The following DYRK4 variants were observed in gnomAD, a reference collection of about 807,000 sequenced individuals.
DYRK4 encodes dual specificity tyrosine-phosphorylation-regulated kinase 4.
Under a neutral mutation model 68.3 loss-of-function variants are expected in DYRK4, and 64 were observed. The observed-to-expected ratio is 0.94, with a 90% CI of 0.77 to 1.15. DYRK4 has a LOEUF of 1.15. Ranked by LOEUF, DYRK4 falls within the 50% of genes most tolerant of loss-of-function variation. The probability of loss-of-function intolerance (pLI) is 0.00; values close to 1 mark genes in which losing one functional copy is unlikely to be tolerated. For synonymous variants in DYRK4, 274 were observed against 289.9 expected, an observed-to-expected ratio of 0.95 and a Z score of 0.56; for missense variants, 740 against 764.7, an observed-to-expected ratio of 0.97 and a Z score of 0.38.
chr12:4,565,960 G>A (rs7957926), intron 1 of DYRK4, among the ~76,000 whole-genome samples: 21,252 of 152,176 alleles, frequency 0.14, 1,661 homozygotes, highest in African/African-American at 0.22. Flanking sequence ...CTACATCTCT[G>A]TGAAGTAAAG....
At chr12:4,606,957 T>G (rs1945159338) in intron 11 of DYRK4, among the ~76,000 whole-genome samples, 1 of 152,248 alleles carries the variant, frequency 6.6e-6, no homozygotes, top group Non-Finnish European at 1.5e-5. Context: ...TCATCTTTTC[T>G]TCTCCCTTTC....
At chr12:4,577,116 G>C (rs1263720402) in intron 2 of DYRK4, among the ~76,000 whole-genome samples, 1 of 152,146 alleles carries the variant, frequency 6.6e-6, no homozygotes, top group Non-Finnish European at 1.5e-5. Flanking sequence ...TCACCTTCTA[G>C]AAGTTTTATA....
chr12:4,595,973 A>G (rs1945012978), intron 6 of DYRK4, among the ~76,000 whole-genome samples, 176 bp from the exon 7 acceptor site: 1 of 152,202 alleles, frequency 6.6e-6, no homozygotes, highest in Admixed American at 6.5e-5. Context: ...TCCAGGCAAC[A>G]AGCTCCTCAT....
intron 8 of DYRK4, chr12:4,596,944 G>T (rs1422853332): frequency 7.1e-7 from 1 of 1,407,412 alleles, no homozygotes; most frequent in Non-Finnish European, 9.2e-7. Context: ...TACCCATGAT[G>T]TACTTCCCTG....
chr12:4,574,223 T>TC (rs1944762373), intron 2 of DYRK4, among the ~76,000 whole-genome samples: 1 of 91,172 alleles, frequency 1.1e-5, no homozygotes, highest in Non-Finnish European at 2.3e-5. Flanking sequence ...AGACTCCATC[T>TC]TAAAAAAAAA....
At chr12:4,587,732 T>C (rs1944911741) in intron 2 of DYRK4, among the ~76,000 whole-genome samples, 1 of 152,208 alleles carries the variant, frequency 6.6e-6, no homozygotes, top group Non-Finnish European at 1.5e-5. Context: ...GAGGTCAAGA[T>C]TGACTGTCCC....
intron 2 of DYRK4, among the ~76,000 whole-genome samples, chr12:4,584,078 A>G (rs373055575): frequency 6.6e-6 from 1 of 152,214 alleles, no homozygotes; most frequent in African/African-American, 2.4e-5. Context: ...GAAAGGATAC[A>G]TAAACATCAA....
chr12:4,602,544 A>T (rs61909654), intron 10 of DYRK4: 2 of 1,170,224 alleles, frequency 1.7e-6, no homozygotes, highest in Non-Finnish European at 2.5e-6. Flanking sequence ...TTATAAGTGG[A>T]GGGATATAAG....
intron 12 of DYRK4, among the ~76,000 whole-genome samples, chr12:4,607,695 A>T (rs2137403281): frequency 6.6e-6 from 1 of 152,248 alleles, no homozygotes; most frequent in African/African-American, 2.4e-5. Flanking sequence ...CCTCTCCCGG[A>T]AGTTCTCCCC....
chr12:4,595,323 G>A (rs990565667), intron 6 of DYRK4, among the ~76,000 whole-genome samples: 1 of 152,206 alleles, frequency 6.6e-6, no homozygotes, highest in East Asian at 1.9e-4. Flanking sequence ...AAACTCATGA[G>A]TGTAACACTA....
intron 2 of DYRK4, among the ~76,000 whole-genome samples, chr12:4,570,290 T>G (rs1457637935): frequency 6.6e-6 from 1 of 152,140 alleles, no homozygotes; most frequent in African/African-American, 2.4e-5. Context: ...GATTTGATTA[T>G]GTCGTATTTT....
At chr12:4,582,086 G>A (rs763002784) in intron 2 of DYRK4, among the ~76,000 whole-genome samples, 2 of 152,214 alleles carry the variant, frequency 1.3e-5, no homozygotes, top group East Asian at 1.9e-4. Flanking sequence ...AGCATTTCAG[G>A]CTAGGGATGC....
At chr12:4,575,156 A>G (rs1944774363) in intron 2 of DYRK4, among the ~76,000 whole-genome samples, 1 of 152,244 alleles carries the variant, frequency 6.6e-6, no homozygotes, top group South Asian at 2.1e-4. Flanking sequence ...TGACGTTACC[A>G]GATAATGACA....
At chr12:4,606,466 A>T (rs1945153375) in intron 11 of DYRK4, among the ~76,000 whole-genome samples, 1 of 152,256 alleles carries the variant, frequency 6.6e-6, no homozygotes, top group Non-Finnish European at 1.5e-5. Flanking sequence ...ATATTAAAAT[A>T]ACTTAGGTAA....
At chr12:4,574,602 C>T (rs1348101646) in intron 2 of DYRK4, among the ~76,000 whole-genome samples, 1 of 152,244 alleles carries the variant, frequency 6.6e-6, no homozygotes, top group African/African-American at 2.4e-5. Context: ...GTTCTAGGAA[C>T]ACTGGTTCTC....
intron 6 of DYRK4, among the ~76,000 whole-genome samples, chr12:4,593,978 C>T (rs730065): frequency 0.58 from 88,290 of 152,072 alleles, 26,903 homozygotes; most frequent in African/African-American, 0.75. Context: ...AGGTTCTTAT[C>T]CAGCAGGTCT....
rs534211116 is a variant in DYRK4, at chr12:4,597,248, G to C, written c.905+519G>C. 3.6e-5 allele frequency: 24 copies of C among 672,160 alleles called. No homozygotes were observed. In the South Asian group the frequency reaches 6.0e-4, roughly 17 times the overall value. 41.6% of individuals were successfully genotyped at this position (672,160 alleles called of 1,614,324 possible). On this transcript the variant is annotated intron_variant, in intron 8 of 14. Transcript: ENST00000543431. ...CTGGCTGAATATTGGAGCTGACAAG[G>C]CATGCTACTTTGATTATTTTTCTCT...
chr12:4,587,129 G>A (rs1944905499), intron 2 of DYRK4, among the ~76,000 whole-genome samples: 1 of 152,188 alleles, frequency 6.6e-6, no homozygotes, highest in Non-Finnish European at 1.5e-5. Context: ...AATTGTTAGT[G>A]GTTCACTGTT....
intron 9 of DYRK4, 119 bp from the exon 10 acceptor site, chr12:4,599,588 G>A: frequency 1.5e-6 from 1 of 686,812 alleles, no homozygotes; most frequent in Non-Finnish European, 2.5e-6. Flanking sequence ...GGATGTGGGA[G>A]GATGCCCATG....
Sources: allele counts gnomAD v4.1 joint callset (sites outside exome capture counted in the v4.1 genomes callset), GRCh38; gene constraint gnomAD v4.1.1; transcripts MANE v1.5; gene names NCBI Gene and HGNC (gene_info 2026-07-23, HGNC 2026-07-21).